Variants in FABP12 observed in about 807,000 individuals in gnomAD.
FABP12 encodes fatty acid binding protein 12.
A neutral mutation model predicts 13.7 loss-of-function variants in FABP12; 19 were observed. The observed-to-expected ratio is 1.39, with a 90% CI of 0.97 to 2.04. The LOEUF (loss-of-function observed/expected upper bound fraction) is 2.04. Ranked by LOEUF, FABP12 falls within the 30% of genes most tolerant of loss-of-function variation. The probability of loss-of-function intolerance (pLI) is 0.00; values close to 1 mark genes in which losing one functional copy is unlikely to be tolerated. For missense variants in FABP12, 182 were observed against 164.2 expected (o/e 1.11, Z -0.59); for synonymous variants, 61 against 57.0 (o/e 1.07, Z -0.32).
At chr8:81,559,543 GCCTTGCCACGTAGCTTCTTTC>G (rs1585850421) in intron 1 of FABP12, among the ~76,000 whole-genome samples, 1 of 152,092 alleles carries the variant, frequency 6.6e-6, no homozygotes, top group East Asian at 1.9e-4. Context: ...AGCTCTTTCT[GCCTTGCCACGTAGCTTCTTTC>G]CCTTGCCATG....
intron 1 of FABP12, among the ~76,000 whole-genome samples, chr8:81,569,268 T>C (rs987323040): frequency 6.6e-6 from 1 of 152,166 alleles, no homozygotes; most frequent in Non-Finnish European, 1.5e-5. Flanking sequence ...TTTCAAAAAG[T>C]ATTTGTGTTT....
exon 3 of FABP12, chr8:81,529,521 T>C: frequency 1.2e-6 from 2 of 1,614,008 alleles, no homozygotes; most frequent in Middle Eastern, 1.6e-4. Context: ...AAGATGCTTT[T>C]GGTTTTTATT....
At chr8:81,589,954 A>T (rs1408039695) in intron 1 of FABP12, among the ~76,000 whole-genome samples, 1 of 152,216 alleles carries the variant, frequency 6.6e-6, no homozygotes, top group Non-Finnish European at 1.5e-5. Context: ...TCCAGACAAC[A>T]TTGTATTATT....
At chr8:81,533,272 T>A (rs1218127741) in intron 1 of FABP12, 1 of 152,274 alleles carries the variant, frequency 6.6e-6, no homozygotes, top group Non-Finnish European at 1.5e-5. Context: ...CTAGTCATTT[T>A]GTCTACTCTG....
intron 1 of FABP12, among the ~76,000 whole-genome samples, chr8:81,564,238 G>A (rs967210033): frequency 3.3e-5 from 5 of 152,124 alleles, no homozygotes; most frequent in African/African-American, 9.7e-5. Context: ...CAAAGGCTAA[G>A]GGAATTCATT....
intron 1 of FABP12, among the ~76,000 whole-genome samples, chr8:81,560,937 T>C (rs1049595023): frequency 6.6e-6 from 1 of 152,228 alleles, no homozygotes; most frequent in Non-Finnish European, 1.5e-5. Context: ...AGGGTGTTAC[T>C]GTGGCCTGAG....
intron 1 of FABP12, among the ~76,000 whole-genome samples, chr8:81,563,275 T>C (rs2130051288): frequency 6.6e-6 from 1 of 152,348 alleles, no homozygotes; most frequent in East Asian, 1.9e-4. Context: ...GATCACAGCA[T>C]GCAAGTCCCT....
At chr8:81,581,918 G>A (rs1180739598) in intron 1 of FABP12, among the ~76,000 whole-genome samples, 1 of 151,280 alleles carries the variant, frequency 6.6e-6, no homozygotes, top group Non-Finnish European at 1.5e-5. Flanking sequence ...ACACAAACAA[G>A]GAAGAGGAAA....
At chr8:81,570,966 C>G (rs1019223145) in intron 1 of FABP12, among the ~76,000 whole-genome samples, 3 of 152,010 alleles carry the variant, frequency 2.0e-5, no homozygotes, top group Non-Finnish European at 4.4e-5. Flanking sequence ...CCCAGGAGCC[C>G]GTATGCCTCC....
intron 1 of FABP12, among the ~76,000 whole-genome samples, chr8:81,577,924 A>G (rs1430353725): frequency 2.0e-5 from 3 of 152,234 alleles, no homozygotes; most frequent in African/African-American, 7.2e-5. Context: ...AGTCAGAATC[A>G]TAGTCCTGGA....
At chr8:81,527,516 C>T (rs939896367) in intron 3 of FABP12, among the ~76,000 whole-genome samples, 4 of 152,106 alleles carry the variant, frequency 2.6e-5, no homozygotes, top group African/African-American at 9.7e-5. Context: ...GCACATACCA[C>T]CACGCCCAGC....
At chr8:81,559,379 G>A (rs1346168102) in intron 1 of FABP12, among the ~76,000 whole-genome samples, 1 of 152,154 alleles carries the variant, frequency 6.6e-6, no homozygotes, top group African/African-American at 2.4e-5. Context: ...TGGTGCCTTG[G>A]AAAATGCCCT....
At chr8:81,577,095 G>A (rs1438304009) in intron 1 of FABP12, among the ~76,000 whole-genome samples, 1 of 152,114 alleles carries the variant, frequency 6.6e-6, no homozygotes, top group Non-Finnish European at 1.5e-5. Flanking sequence ...TCAATTATTT[G>A]CTACAATAAA....
intron 1 of FABP12, among the ~76,000 whole-genome samples, chr8:81,559,859 G>C (rs1234027693): frequency 6.6e-6 from 1 of 152,166 alleles, no homozygotes; most frequent in Non-Finnish European, 1.5e-5. Context: ...TCAGGAGGAA[G>C]CAATTTCATT....
chr8:81,579,888 T>C (rs1810127477), intron 1 of FABP12, among the ~76,000 whole-genome samples: 1 of 152,244 alleles, frequency 6.6e-6, no homozygotes, highest in South Asian at 2.1e-4. Flanking sequence ...TTCTCTTTCT[T>C]TTTTACCTAA....
At chr8:81,555,882 AT>A (rs899209526) in intron 1 of FABP12, among the ~76,000 whole-genome samples, 85 of 151,704 alleles carry the variant, frequency 5.6e-4, no homozygotes, top group African/African-American at 2.0e-3. Flanking sequence ...ATGTTCTAGT[AT>A]TTTTTTTTCT....
At chr8:81,532,041 G>A (rs998867254) in intron 1 of FABP12, among the ~76,000 whole-genome samples, 2 of 152,058 alleles carry the variant, frequency 1.3e-5, no homozygotes, top group East Asian at 1.9e-4. Flanking sequence ...ATTGCCATGA[G>A]AACACCAAAT....
intron 2 of FABP12, 90 bp downstream of exon 2, chr8:81,531,153 C>G: frequency 1.2e-6 from 1 of 852,518 alleles, no homozygotes; most frequent in Non-Finnish European, 1.9e-6. Context: ...TTAGGGAGTT[C>G]AAGATTAATA....
chr8:81,550,825 A>C (rs1809512712), intron 1 of FABP12, among the ~76,000 whole-genome samples: 1 of 152,174 alleles, frequency 6.6e-6, no homozygotes, highest in Non-Finnish European at 1.5e-5. Flanking sequence ...TAGCTCAGTT[A>C]ACTTAGTATC....
Sources: allele counts gnomAD v4.1 joint callset (sites outside exome capture counted in the v4.1 genomes callset), GRCh38; gene constraint gnomAD v4.1.1; transcripts MANE v1.5; gene names NCBI Gene and HGNC (gene_info 2026-07-23, HGNC 2026-07-21).